Variants in RYR2 observed in about 807,000 individuals in gnomAD.
RYR2 encodes cardiac muscle ryanodine receptor-calcium release channel.
In RYR2, 227 loss-of-function variants were observed where a neutral mutation model predicts 601.1. The ratio of observed to expected loss-of-function variants is 0.38; its 90% confidence interval spans 0.34 to 0.42. RYR2 has a LOEUF of 0.42. Ranked by LOEUF, RYR2 falls within the 10% of genes least tolerant of loss-of-function variation. The probability of loss-of-function intolerance (pLI) is 1.00; values close to 1 mark genes in which losing one functional copy is unlikely to be tolerated. For missense variants in RYR2, 4,646 were observed against 6,156.5 expected (o/e 0.75, Z 8.21); for synonymous variants, 2,223 against 2,175.1 (o/e 1.02, Z -0.61).
chr1:237,174,054 CT>C (rs566914235), intron 1 of RYR2, among the ~76,000 whole-genome samples: 506 of 35,530 alleles, frequency 0.014, 1 homozygote, highest in African/African-American at 0.035. Context: ...AAGACTCCAT[CT>C]CAAAAAACAA....
At position 237,512,792 on chromosome 1, in the gene RYR2, G is replaced by T. The variant is rs369560776; in HGVS notation, c.2822+1001G>T. Among the ~76,000 whole-genome samples, 3 of 152,284 alleles carry T rather than the reference G, an allele frequency of 2.0e-5. No homozygotes were observed. In the South Asian group the frequency reaches 6.2e-4, roughly 32 times the overall value. On this transcript the variant is annotated intron_variant, in intron 24 of 104. Coordinates refer to ENST00000366574, the MANE Select transcript of RYR2 (RefSeq NM_001035.3). ...AGGCTGAGGTGGGAGGATGGATTGA[G>T]CCTGGGAGATTGAGGCTCCAGTGAG...
intron 1 of RYR2, among the ~76,000 whole-genome samples, chr1:237,201,288 C>T (rs1681165405): frequency 6.6e-6 from 1 of 152,162 alleles, no homozygotes; most frequent in South Asian, 2.1e-4. Context: ...CTGGCACTGC[C>T]CTCACTATTA....
intron 80 of RYR2, among the ~76,000 whole-genome samples, chr1:237,746,215 A>G (rs1180817335): frequency 6.6e-6 from 1 of 152,320 alleles, no homozygotes; most frequent in African/African-American, 2.4e-5. Flanking sequence ...AGTTATTCAC[A>G]TAAGTTACAA....
intron 100 of RYR2, among the ~76,000 whole-genome samples, chr1:237,810,959 A>T (rs543354424): frequency 3.2e-4 from 49 of 152,342 alleles, no homozygotes; most frequent in African/African-American, 1.1e-3. Context: ...GGATTTATTC[A>T]TAGGACACTG....
chr1:237,054,121 G>A (rs192930245), intron 1 of RYR2, among the ~76,000 whole-genome samples: 78 of 152,222 alleles, frequency 5.1e-4, no homozygotes, highest in Non-Finnish European at 8.2e-4. Flanking sequence ...GATGTTGCTG[G>A]CGAGCCCAGG....
Position 237,447,568 on chromosome 1 carries a change from T to C in RYR2, c.1292+2046T>C, listed in dbSNP as rs566014704. The stretch of plus-strand genomic sequence containing the variant: ...GATGGTTACATTAACCCCTATTAAC[T>C]ATGAAAAGATTTTCTGATTCCCAGT... On this transcript the variant is annotated intron_variant, in intron 14 of 104. Transcript: ENST00000366574. 1.8e-4 allele frequency among the ~76,000 whole-genome samples: 27 copies of C among 152,294 alleles called. No individual in the cohort carries two copies. The South Asian group carries it at 5.6e-3, about 32-fold the overall frequency.
At chr1:237,178,381 G>A (rs1397824703) in intron 1 of RYR2, among the ~76,000 whole-genome samples, 1 of 144,646 alleles carries the variant, frequency 6.9e-6, no homozygotes, top group African/African-American at 2.6e-5. Flanking sequence ...AGGCTTTTTT[G>A]TTTTTGTAGT....
At chr1:237,633,778 G>A (rs867976246) in intron 43 of RYR2, 68 bp downstream of exon 43, 12 of 1,461,786 alleles carry the variant, frequency 8.2e-6, no homozygotes, top group East Asian at 7.4e-5. Context: ...AAAAGCAAAC[G>A]TTTTGTTAAA....
intron 17 of RYR2, among the ~76,000 whole-genome samples, chr1:237,485,684 C>T (rs887035378): frequency 9.2e-5 from 14 of 152,158 alleles, no homozygotes; most frequent in Non-Finnish European, 1.5e-4. Context: ...CACTGCTGAT[C>T]CCATTCCTTG....
At chr1:237,090,106 A>G (rs578058537) in intron 1 of RYR2, among the ~76,000 whole-genome samples, 1 of 152,170 alleles carries the variant, frequency 6.6e-6, no homozygotes, top group Admixed American at 6.5e-5. Flanking sequence ...TTGAGAATTC[A>G]CTTACTGTCA....
intron 81 of RYR2, 132 bp from the exon 82 acceptor site, chr1:237,757,565 G>T (rs1693057989): frequency 3.7e-6 from 2 of 539,314 alleles, no homozygotes; most frequent in East Asian, 5.8e-5. Flanking sequence ...ACATAAGTCA[G>T]TCTCCCTATG....
At chr1:237,361,141 C>A (rs1699752744) in intron 4 of RYR2, among the ~76,000 whole-genome samples, 1 of 152,224 alleles carries the variant, frequency 6.6e-6, no homozygotes, top group Admixed American at 6.5e-5. Context: ...TGCACCCAGA[C>A]ACATATTTTC....
chr1:237,055,641 A>T (rs1661900773), intron 1 of RYR2, among the ~76,000 whole-genome samples: 1 of 152,090 alleles, frequency 6.6e-6, no homozygotes, highest in Non-Finnish European at 1.5e-5. Flanking sequence ...GAGGAAGGGG[A>T]GGTTTCAGGG....
intron 26 of RYR2, among the ~76,000 whole-genome samples, chr1:237,550,187 GTTC>G (rs2148109201): frequency 6.6e-6 from 1 of 152,240 alleles, no homozygotes; most frequent in East Asian, 1.9e-4. Context: ...TAATTTGGCT[GTTC>G]TTGGAATAAA....
intron 95 of RYR2, among the ~76,000 whole-genome samples, chr1:237,794,525 C>A: frequency 6.6e-6 from 1 of 152,158 alleles, no homozygotes; most frequent in Non-Finnish European, 1.5e-5. Context: ...AACATTTAGC[C>A]CTGTGAGATC....
chr1:237,529,760 T>TACAC (rs71561882), intron 24 of RYR2, among the ~76,000 whole-genome samples: 3,271 of 134,462 alleles, frequency 0.024, 48 homozygotes, highest in South Asian at 0.061. Flanking sequence ...AATAATATCA[T>TACAC]ACACACACAC....
At chr1:237,760,530 T>A (rs761414036) in intron 83 of RYR2, among the ~76,000 whole-genome samples, 1 of 152,202 alleles carries the variant, frequency 6.6e-6, no homozygotes, top group African/African-American at 2.4e-5. Context: ...TGTGACTAAA[T>A]GATCACTAAC....
chr1:237,340,944 C>G (rs937445034), intron 3 of RYR2, among the ~76,000 whole-genome samples: 20 of 152,156 alleles, frequency 1.3e-4, no homozygotes, highest in Non-Finnish European at 2.5e-4. Context: ...ATGCATCTTT[C>G]AGTTTTACTG....
intron 1 of RYR2, among the ~76,000 whole-genome samples, chr1:237,127,946 G>A (rs1318908400): frequency 2.0e-5 from 3 of 152,170 alleles, no homozygotes; most frequent in Non-Finnish European, 2.9e-5. Flanking sequence ...GACGATGGGC[G>A]GCCAGGCAGA....
Sources: allele counts gnomAD v4.1 joint callset (sites outside exome capture counted in the v4.1 genomes callset), GRCh38; gene constraint gnomAD v4.1.1; transcripts MANE v1.5; gene names NCBI Gene and HGNC (gene_info 2026-07-23, HGNC 2026-07-21).